FREM2: variants seen among roughly 807,000 people sequenced by gnomAD.
FREM2 encodes the protein FRAS1 related extracellular matrix 2.
FREM2 carries 119 observed loss-of-function variants against 219.9 expected under a neutral mutation model. The observed-to-expected ratio is 0.54, with a 90% CI of 0.47 to 0.63. The LOEUF (loss-of-function observed/expected upper bound fraction) is 0.63. FREM2 is among the 30% of genes least tolerant of loss of function. FREM2 has a pLI of 0.00. For missense variants in FREM2, 4,030 were observed against 3,993.6 expected (o/e 1.01, Z -0.25); for synonymous variants, 1,562 against 1,522.8 (o/e 1.03, Z -0.60).
rs748943849 is a variant in FREM2 at position 38,784,810 on chromosome 13, T to G, written c.6019+2T>G. The stretch of plus-strand genomic sequence containing the variant: ...CAATCGTTCCTGACAAAGATGATGG[T>G]GAGTACTAATTTACTTGAAAATTCT... On this transcript the variant is annotated splice_donor_variant, in intron 6 of 23. Transcript: ENST00000280481. LOFTEE classifies it high-confidence loss of function. The G allele has an allele frequency of 1.9e-6, 3 of 1,614,024 alleles. No individual in the cohort carries two copies. In the South Asian group the frequency reaches 3.3e-5, roughly 18 times the overall value.
intron 2 of FREM2, among the ~76,000 whole-genome samples, chr13:38,754,300 T>G (rs1872894341): frequency 6.6e-6 from 1 of 152,182 alleles, no homozygotes; most frequent in Non-Finnish European, 1.5e-5. Context: ...GGCCTCACTA[T>G]TCACTAGAAT....
At chr13:38,833,833 T>C (rs1876602945) in intron 6 of FREM2, among the ~76,000 whole-genome samples, 1 of 152,154 alleles carries the variant, frequency 6.6e-6, no homozygotes, top group Non-Finnish European at 1.5e-5. Flanking sequence ...ATTCATTGCC[T>C]GTCTCCAGAA....
intron 2 of FREM2, among the ~76,000 whole-genome samples, chr13:38,713,284 A>G (rs971644583): frequency 2.0e-5 from 3 of 152,320 alleles, no homozygotes; most frequent in Non-Finnish European, 4.4e-5. Context: ...TAACAGAGTG[A>G]TATCAGGCAG....
Position 38,880,393 on chromosome 13 carries a change from G to T in FREM2, c.9116G>T (p.Ser3039Ile). The T allele has an allele frequency of 6.2e-7, 1 of 1,614,142 alleles. No homozygotes were observed. The part of the protein sequence containing the change: ...KRSVEYHSLV[S>I]QGKPQSTTKS... ...AGTGTGGAGTACCATTCTCTGGTGA[G>T]TCAAGGAAAGCCCCAATCCACCACC... Residue 3039 changes from serine (S) to isoleucine (I), a missense_variant, in exon 24 of 24, where the codon AGT becomes ATT. Ser to Ile is a moderately radical substitution (Grantham distance 142). This residue lies in a region of FREM2 where 928 missense variants were observed against 1,042.9 expected (regional missense o/e 0.89). Coordinates refer to ENST00000280481, the MANE Select transcript of FREM2 (RefSeq NM_207361.6).
At chr13:38,783,788 G>A (rs747560113) in intron 5 of FREM2, among the ~76,000 whole-genome samples, 1 of 152,152 alleles carries the variant, frequency 6.6e-6, no homozygotes, top group Non-Finnish European at 1.5e-5. Flanking sequence ...AGGCAGTACA[G>A]AAGAGTGATT....
At chr13:38,787,111 G>A (rs1490764753) in intron 6 of FREM2, among the ~76,000 whole-genome samples, 1 of 152,132 alleles carries the variant, frequency 6.6e-6, no homozygotes, top group Non-Finnish European at 1.5e-5. Flanking sequence ...AAGTGGGGTA[G>A]CGAAAGCCCA....
At chr13:38,806,154 G>A (rs939564783) in intron 6 of FREM2, among the ~76,000 whole-genome samples, 2 of 151,858 alleles carry the variant, frequency 1.3e-5, no homozygotes, top group Non-Finnish European at 2.9e-5. Context: ...GGAGGGTCCA[G>A]AGAAGAGAGA....
chr13:38,856,066 AATAG>A, intron 11 of FREM2, 56 bp from the exon 12 acceptor site: 3 of 1,177,498 alleles, frequency 2.5e-6, no homozygotes, highest in Non-Finnish European at 2.4e-6. Context: ...AAAAAAAAAA[AATAG>A]AAAACTTCTC....
At chr13:38,731,520 G>A (rs1039680031) in intron 2 of FREM2, among the ~76,000 whole-genome samples, 3 of 152,164 alleles carry the variant, frequency 2.0e-5, no homozygotes, top group African/African-American at 7.2e-5. Flanking sequence ...GAGAGAGAAA[G>A]CAGGACAGTA....
In FREM2 at chr13:38,687,494, C is replaced by T. The variant is rs751241265; in HGVS notation, c.150C>T (p.Ala50=). The T allele has an allele frequency of 6.3e-7, 1 of 1,594,640 alleles. No homozygotes were observed. Among genetic ancestry groups the T allele is most frequent in the Non-Finnish European group, 8.5e-7 (1 of 1,171,424 alleles). ...LVSRVPAQPA[A]FGRALLSPGL... The stretch of plus-strand genomic sequence containing the variant: ...GCCGCGTCCCGGCACAGCCCGCTGC[C>T]TTCGGCAGGGCGTTGCTGTCCCCTG... The change falls in exon 1 of 24, where the codon GCC becomes GCT. Residue 50 remains alanine, a synonymous_variant. Coordinates refer to ENST00000280481, the MANE Select transcript of FREM2 (RefSeq NM_207361.6).
intron 3 of FREM2, among the ~76,000 whole-genome samples, chr13:38,766,719 A>G (rs896406750): frequency 3.9e-5 from 6 of 152,210 alleles, no homozygotes; most frequent in African/African-American, 9.7e-5. Flanking sequence ...TAAACTAGAT[A>G]TGTATTTATA....
Position 38,771,450 on chromosome 13 carries a change from A to C in FREM2, c.5641+1642A>C, listed in dbSNP as rs894619444. Among the ~76,000 whole-genome samples, 3 of 152,158 alleles carry C rather than the reference A, an allele frequency of 2.0e-5. No homozygotes were observed. The East Asian group carries it at 5.8e-4, about 29-fold the overall frequency. On this transcript the variant is annotated intron_variant, in intron 4 of 23. Transcript: ENST00000280481. ...GCCGTATTACCTGAAGAAATAAGAC[A>C]CTTGAATTCATTTCTGCCTTCCTAT...
chr13:38,849,629 A>G (rs2137909967), intron 8 of FREM2, among the ~76,000 whole-genome samples: 1 of 152,246 alleles, frequency 6.6e-6, no homozygotes, highest in Non-Finnish European at 1.5e-5. Context: ...GGTGTCACCT[A>G]AAAATCACAC....
intron 6 of FREM2, among the ~76,000 whole-genome samples, chr13:38,798,288 A>G (rs1294220696): frequency 6.6e-6 from 1 of 152,034 alleles, no homozygotes; most frequent in Non-Finnish European, 1.5e-5. Context: ...ATTAATCTGC[A>G]TATGTTGAAC....
chr13:38,769,950 C>CCTG (rs1555266351), intron 4 of FREM2, 142 bp downstream of exon 4: 41 of 717,702 alleles, frequency 5.7e-5, no homozygotes, highest in Non-Finnish European at 8.5e-5. Context: ...ATTCATTATT[C>CCTG]TCAGATGTGT....
intron 6 of FREM2, chr13:38,827,279 G>A (rs1876326784): frequency 6.6e-6 from 1 of 152,038 alleles, no homozygotes; most frequent in Admixed American, 6.6e-5. Context: ...TACAGCTGTT[G>A]TGAGCATTAA....
chr13:38,734,428 T>C (rs972188949), intron 2 of FREM2, among the ~76,000 whole-genome samples: 10 of 152,186 alleles, frequency 6.6e-5, no homozygotes, highest in Non-Finnish European at 1.3e-4. Flanking sequence ...TAAAAGACTT[T>C]TTCCTTAACC....
intron 2 of FREM2, among the ~76,000 whole-genome samples, chr13:38,723,029 G>A (rs762228967): frequency 6.6e-6 from 1 of 151,960 alleles, no homozygotes; most frequent in African/African-American, 2.4e-5. Context: ...TCAGGAGTTC[G>A]AGGCCAGCCT....
intron 1 of FREM2, among the ~76,000 whole-genome samples, chr13:38,693,154 CAAT>C (rs1248766369): frequency 2.0e-5 from 3 of 152,024 alleles, no homozygotes; most frequent in Non-Finnish European, 4.4e-5. Flanking sequence ...AGAGTTATAA[CAAT>C]GATATTTACA....
Sources: gnomAD v4.1 joint callset for allele counts (sites outside exome capture counted in the v4.1 genomes callset) on GRCh38, gnomAD v4.1.1 for gene constraint, gnomAD v4.1.1 regional missense constraint, MANE v1.5 for transcripts, NCBI Gene and HGNC (gene_info 2026-07-23, HGNC 2026-07-21) for gene names.